Variants in CCDC7 observed in about 807,000 individuals in gnomAD.
The protein encoded by CCDC7 is coiled-coil domain-containing protein 7.
A neutral mutation model predicts 196.9 loss-of-function variants in CCDC7; 183 were observed. That is an observed-to-expected ratio of 0.93 (90% CI 0.82 to 1.05). The LOEUF (loss-of-function observed/expected upper bound fraction) is 1.05, where lower values mean the gene tolerates loss of function less well. Ranked by LOEUF, CCDC7 falls within the 50% of genes least tolerant of loss-of-function variation. The pLI, the probability that CCDC7 is intolerant of heterozygous loss-of-function variation, is 0.00. For synonymous variants in CCDC7, 525 were observed against 484.6 expected (o/e 1.08, Z -1.10); for missense variants, 1,540 against 1,482.2 (o/e 1.04, Z -0.64).
intron 14 of CCDC7, among the ~76,000 whole-genome samples, chr10:32,566,340 G>T (rs964003959): frequency 6.6e-6 from 1 of 151,988 alleles, no homozygotes; most frequent in Non-Finnish European, 1.5e-5. Flanking sequence ...CTCAATAAAA[G>T]CTTTTAAAAG....
At chr10:32,734,964 G>A (rs1338778912) in intron 28 of CCDC7, among the ~76,000 whole-genome samples, 1 of 151,940 alleles carries the variant, frequency 6.6e-6, no homozygotes, top group African/African-American at 2.4e-5. Context: ...TTTAAAAAAT[G>A]CATTTTGTTT....
At chr10:32,456,301 T>G (rs967980208) in exon 3 of CCDC7, 1 of 1,573,298 alleles carries the variant, frequency 6.4e-7, no homozygotes, top group African/African-American at 1.3e-5. Context: ...AATTTGCAGC[T>G]CAGCTAGAAG....
intron 24 of CCDC7, among the ~76,000 whole-genome samples, chr10:32,696,567 C>T (rs1423329758): frequency 6.6e-6 from 1 of 151,788 alleles, no homozygotes; most frequent in Non-Finnish European, 1.5e-5. Context: ...AAGAGGAGAG[C>T]AGCATTTGTA....
At chr10:32,640,873 T>TTTTA (rs1564927406) in intron 20 of CCDC7, among the ~76,000 whole-genome samples, 1 of 48,570 alleles carries the variant, frequency 2.1e-5, no homozygotes, top group Admixed American at 2.4e-4. Flanking sequence ...TCTTTTTTTT[T>TTTTA]TTCTTTTTTT....
chr10:32,638,738 G>A (rs1227415816), intron 20 of CCDC7, among the ~76,000 whole-genome samples: 1 of 152,274 alleles, frequency 6.6e-6, no homozygotes, highest in Non-Finnish European at 1.5e-5. Flanking sequence ...GATGATGCTG[G>A]CCTCATAAAA....
chr10:32,730,594 A>G (rs978489211), intron 28 of CCDC7, among the ~76,000 whole-genome samples: 2 of 152,008 alleles, frequency 1.3e-5, no homozygotes, highest in African/African-American at 4.8e-5. Context: ...ACCCATGTAT[A>G]TAAAAATTAA....
At chr10:32,564,069 A>G (rs915288567) in intron 13 of CCDC7, among the ~76,000 whole-genome samples, 2 of 152,122 alleles carry the variant, frequency 1.3e-5, no homozygotes, top group Non-Finnish European at 2.9e-5. Flanking sequence ...ATCACTGGCC[A>G]TCAGAGAAAT....
At chr10:32,706,727 G>C (rs1172434116) in intron 24 of CCDC7, among the ~76,000 whole-genome samples, 1 of 152,120 alleles carries the variant, frequency 6.6e-6, no homozygotes, top group East Asian at 1.9e-4. Context: ...TAGAAGAAAT[G>C]GATAAATTCC....
intron 41 of CCDC7, among the ~76,000 whole-genome samples, chr10:32,867,921 T>TTATCTCC (rs2094264678): frequency 6.6e-6 from 1 of 151,842 alleles, no homozygotes; most frequent in Non-Finnish European, 1.5e-5. Context: ...CATTAATTCC[T>TTATCTCC]TATCTCCTAC....
upstream of CCDC7, among the ~76,000 whole-genome samples, chr10:32,449,433 G>A (rs1427553637): frequency 2.0e-5 from 3 of 152,126 alleles, no homozygotes; most frequent in Non-Finnish European, 4.4e-5. Context: ...GGATCCACCC[G>A]CCTCTGCCTC....
In CCDC7 at chr10:32,744,902, T is replaced by A. The variant is rs1485553262; in HGVS notation, c.2905+15445T>A. Among the ~76,000 whole-genome samples, 3 of 152,346 alleles carry A rather than the reference T, an allele frequency of 2.0e-5. No homozygotes were observed. In the East Asian group the frequency reaches 5.8e-4, roughly 29 times the overall value. On this transcript the variant is annotated intron_variant, in intron 28 of 41. Transcript: ENST00000639629. Reference sequence around the variant, plus strand: ...TATAAAGTCATCTCCATGCCCAATGTCACCTAGGAATCTTTTATATTATCT... The same window carrying A: ...TATAAAGTCATCTCCATGCCCAATGACACCTAGGAATCTTTTATATTATCT...
chr10:32,704,520 C>T lies in CCDC7; in HGVS notation c.2459-7100C>T, dbSNP rs531954308. 1.2e-4 allele frequency among the ~76,000 whole-genome samples: 19 copies of T among 152,238 alleles called. No individual in the cohort carries two copies. The South Asian group carries it at 3.9e-3, about 32-fold the overall frequency. On this transcript the variant is annotated intron_variant, in intron 24 of 41. Transcript: ENST00000639629. ...CTCAAACTCCATGCTGGGAGAACCA[C>T]TACTCTCTTCACAGTTGTCAGACAG...
chr10:32,788,243 AG>A (rs2082159428), intron 29 of CCDC7, among the ~76,000 whole-genome samples: 1 of 152,076 alleles, frequency 6.6e-6, no homozygotes, highest in East Asian at 1.9e-4. Flanking sequence ...CATGTACCTG[AG>A]GCTCCAAGCC....
Position 32,518,522 on chromosome 10 carries a change from T to A in CCDC7, c.993+17T>A. 6.3e-7 allele frequency: 1 copy of A among 1,597,350 alleles called. No individual in the cohort carries two copies. The highest frequency in any genetic ancestry group is 8.5e-7 in the Non-Finnish European group (1 of 1,172,560). On this transcript the variant is annotated intron_variant, in intron 11 of 41. Transcript: ENST00000639629. ...GACAAAGAGGTTGGAAAAATTTTAG[T>A]GTTTGAAAATGGCATACACCTAATA...
chr10:32,776,431 A>G (rs1355551304), intron 28 of CCDC7, among the ~76,000 whole-genome samples: 1 of 152,034 alleles, frequency 6.6e-6, no homozygotes, highest in Non-Finnish European at 1.5e-5. Context: ...TATCCCTATC[A>G]TCACCAGGCT....
intron 18 of CCDC7, among the ~76,000 whole-genome samples, chr10:32,619,639 T>C (rs1005552524): frequency 4.6e-5 from 7 of 152,082 alleles, no homozygotes; most frequent in East Asian, 1.9e-4. Context: ...GATGCAAAAA[T>C]AGACAGATAA....
At chr10:32,787,892 C>T (rs1336085581) in intron 29 of CCDC7, among the ~76,000 whole-genome samples, 1 of 152,040 alleles carries the variant, frequency 6.6e-6, no homozygotes, top group Non-Finnish European at 1.5e-5. Context: ...CCCTGAAGGC[C>T]TCTCCAGGCT....
chr10:32,598,027 A>G (rs2060594594), intron 18 of CCDC7, among the ~76,000 whole-genome samples: 1 of 152,188 alleles, frequency 6.6e-6, no homozygotes, highest in African/African-American at 2.4e-5. Context: ...TACTCTCTTC[A>G]AAGCTGTTGG....
chr10:32,616,254 G>A (rs1479972495), intron 18 of CCDC7, among the ~76,000 whole-genome samples: 2 of 151,938 alleles, frequency 1.3e-5, no homozygotes, highest in African/African-American at 4.8e-5. Flanking sequence ...TGGGTAGTAT[G>A]GTCATTTCAA....
Sources: allele counts gnomAD v4.1 joint callset (sites outside exome capture counted in the v4.1 genomes callset), GRCh38; gene constraint gnomAD v4.1.1; transcripts MANE v1.5; gene names NCBI Gene and HGNC (gene_info 2026-07-23, HGNC 2026-07-21).